ARMC2: variants seen among roughly 807,000 people sequenced by gnomAD.
The protein encoded by ARMC2 is armadillo repeat-containing protein 2.
Under a neutral mutation model 90.3 loss-of-function variants are expected in ARMC2, and 67 were observed. That is an observed-to-expected ratio of 0.74 (90% CI 0.61 to 0.91). ARMC2 has a LOEUF of 0.91. ARMC2 is among the 40% of genes least tolerant of loss of function. ARMC2 has a pLI of 0.00. For missense variants in ARMC2, 920 were observed against 1,030.9 expected, an observed-to-expected ratio of 0.89 and a Z score of 1.47; for synonymous variants, 393 against 393.0, an observed-to-expected ratio of 1.00 and a Z score of 0.00.
At chr6:108,890,032 CA>C (rs1173812035) in intron 5 of ARMC2, among the ~76,000 whole-genome samples, 6 of 146,670 alleles carry the variant, frequency 4.1e-5, no homozygotes, top group Non-Finnish European at 7.5e-5. Flanking sequence ...ACTAAAAATA[CA>C]AAAAAAATTA....
At chr6:109,037,619 T>C in the ARMC2 span, among the ~76,000 whole-genome samples, 5 of 152,204 alleles carry the variant, frequency 3.3e-5, no homozygotes, top group African/African-American at 1.2e-4. Flanking sequence ...TTTAATTCTA[T>C]AGATGAAGAA....
chr6:109,024,296 G>A, the ARMC2 span, among the ~76,000 whole-genome samples: 1 of 152,030 alleles, frequency 6.6e-6, no homozygotes, highest in African/African-American at 2.4e-5. Flanking sequence ...AGGGCATAGG[G>A]ACTACCATTA....
At chr6:109,000,448 A>G in the ARMC2 span, 1 of 1,384,274 alleles carries the variant, frequency 7.2e-7, no homozygotes, top group East Asian at 2.6e-5. Context: ...CTGCTCTAAA[A>G]AAGTCTGAAA....
At chr6:108,888,976 C>T (rs1296487293) in intron 5 of ARMC2, among the ~76,000 whole-genome samples, 2 of 152,090 alleles carry the variant, frequency 1.3e-5, no homozygotes, top group Non-Finnish European at 2.9e-5. Flanking sequence ...TTTACTCAGC[C>T]CATAGTGTGG....
At chr6:108,873,480 ACCC>A (rs1305681956) in intron 4 of ARMC2, among the ~76,000 whole-genome samples, 3 of 151,984 alleles carry the variant, frequency 2.0e-5, no homozygotes. Context: ...GCAGGGTGGA[ACCC>A]CTTGTTGTTC....
intron 13 of ARMC2, among the ~76,000 whole-genome samples, chr6:108,958,144 A>G (rs558460162): frequency 6.6e-5 from 10 of 152,260 alleles, no homozygotes; most frequent in Non-Finnish European, 1.5e-4. Context: ...TAAGGCCATG[A>G]TGTGGGGACC....
the ARMC2 span, among the ~76,000 whole-genome samples, chr6:108,986,069 T>TAACA: frequency 3.4e-4 from 51 of 150,294 alleles, no homozygotes; most frequent in African/African-American, 7.5e-4. Flanking sequence ...GAGGAGTAAC[T>TAACA]AACAGAGTTA....
chr6:108,881,618 A>G (rs1298166129), intron 5 of ARMC2, among the ~76,000 whole-genome samples: 3 of 152,184 alleles, frequency 2.0e-5, no homozygotes, highest in Non-Finnish European at 4.4e-5. Flanking sequence ...TAAGGACTCC[A>G]TTCAAGATCC....
At chr6:108,945,285 AT>A (rs1187910433) in intron 12 of ARMC2, among the ~76,000 whole-genome samples, 1 of 152,106 alleles carries the variant, frequency 6.6e-6, no homozygotes, top group Non-Finnish European at 1.5e-5. Flanking sequence ...AGGAAAATAC[AT>A]TTGGGTTTGT....
intron 6 of ARMC2, among the ~76,000 whole-genome samples, chr6:108,897,582 A>G (rs1339548786): frequency 6.6e-6 from 1 of 152,082 alleles, no homozygotes; most frequent in East Asian, 1.9e-4. Flanking sequence ...AAGGGTTGAT[A>G]AAAGGCAAGC....
At position 108,953,220 on chromosome 6, in the gene ARMC2, G is replaced by C. The variant is rs1321895517; in HGVS notation, c.1784G>C (p.Arg595Thr). The change falls in exon 13 of 18, where the codon AGG becomes ACG. Residue 595 changes from arginine (R) to threonine (T), a missense_variant. Physicochemically the swap from Arg to Thr is moderately conservative, Grantham distance 71. Coordinates refer to ENST00000392644, the MANE Select transcript of ARMC2 (RefSeq NM_032131.6). ...GQRGEQHRAQRPPSEAEDVLI... is the reference protein window; with the variant it reads ...GQRGEQHRAQTPPSEAEDVLI... ...CGAGGCGAGCAGCACAGGGCGCAGAGGCCGCCGTCAGAGGCAGAGGACGTG... is the reference window on the plus strand; with the variant it reads ...CGAGGCGAGCAGCACAGGGCGCAGACGCCGCCGTCAGAGGCAGAGGACGTG... 1 of 1,613,998 alleles carries C rather than the reference G, an allele frequency of 6.2e-7. No individual in the cohort carries two copies. The highest frequency in any genetic ancestry group is 1.1e-5 in the South Asian group (1 of 91,090).
At chr6:108,862,432 C>T (rs1775366653) in intron 3 of ARMC2, among the ~76,000 whole-genome samples, 1 of 150,820 alleles carries the variant, frequency 6.6e-6, no homozygotes, top group Non-Finnish European at 1.5e-5. Context: ...AAAGTGACTG[C>T]TTAATTTGAG....
At chr6:108,922,021 G>A (rs1774626324) in intron 10 of ARMC2, among the ~76,000 whole-genome samples, 1 of 152,182 alleles carries the variant, frequency 6.6e-6, no homozygotes, top group African/African-American at 2.4e-5. Flanking sequence ...TCTGATCTGG[G>A]GCAGCTCTGA....
At chr6:108,987,775 C>A in the ARMC2 span, 6 of 419,372 alleles carry the variant, frequency 1.4e-5, no homozygotes, top group Non-Finnish European at 2.1e-5. Flanking sequence ...GTTTGTTGAA[C>A]AGATTATAAA....
chr6:108,866,295 G>T (rs1775810150), intron 3 of ARMC2, among the ~76,000 whole-genome samples: 1 of 152,044 alleles, frequency 6.6e-6, no homozygotes, highest in African/African-American at 2.4e-5. Context: ...TTAGCTTCAT[G>T]GCCTAAGTAA....
In ARMC2 at chr6:108,961,585, T is replaced by C. The variant is rs375775111; in HGVS notation, c.1929T>C (p.Leu643=). ...ACTTCATTTCAGAATACAAGTCACT[T>C]GATGATTGTGAGGAGCTGGTGATCA... is the stretch of plus-strand genomic sequence containing the variant. ...LLLTTLEYKS[L]DDCEELVINA... is the part of the protein sequence containing the mutation. Residue 643 remains leucine (L), a synonymous_variant, in exon 14 of 18, where the codon CTT becomes CTC. Coordinates refer to ENST00000392644, the MANE Select transcript of ARMC2 (RefSeq NM_032131.6). 1.2e-6 allele frequency: 2 copies of C among 1,609,336 alleles called. No homozygotes were observed. The highest frequency in any genetic ancestry group is 2.2e-5 in the East Asian group (1 of 44,782).
intron 7 of ARMC2, among the ~76,000 whole-genome samples, chr6:108,900,274 A>G (rs1757103008): frequency 6.6e-6 from 1 of 152,188 alleles, no homozygotes; most frequent in African/African-American, 2.4e-5. Context: ...CACCCACAGC[A>G]TGGGAAATGG....
chr6:109,032,115 CA>C, the ARMC2 span, among the ~76,000 whole-genome samples: 3 of 151,988 alleles, frequency 2.0e-5, no homozygotes, highest in Admixed American at 2.0e-4. Flanking sequence ...ACTAAAAATA[CA>C]AAAAAATTAG....
chr6:108,983,918 C>T, the ARMC2 span, among the ~76,000 whole-genome samples: 1 of 152,194 alleles, frequency 6.6e-6, no homozygotes, highest in African/African-American at 2.4e-5. Flanking sequence ...GGGCCATGGA[C>T]CAGTCCTAGT....
Sources: gnomAD v4.1 joint callset for allele counts (sites outside exome capture counted in the v4.1 genomes callset) on GRCh38, gnomAD v4.1.1 for gene constraint, MANE v1.5 for transcripts, NCBI Gene and HGNC (gene_info 2026-07-23, HGNC 2026-07-21) for gene names.